Variants in KLHL29 observed in about 807,000 individuals in gnomAD.
KLHL29 encodes kelch like family member 29, also known as kelch-like protein 29.
A neutral mutation model predicts 80.4 loss-of-function variants in KLHL29; 21 were observed. The ratio of observed to expected loss-of-function variants is 0.26; its 90% confidence interval spans 0.19 to 0.38. The LOEUF (loss-of-function observed/expected upper bound fraction) is 0.38, where lower values mean the gene tolerates loss of function less well. Ranked by LOEUF, KLHL29 falls within the 10% of genes least tolerant of loss-of-function variation. KLHL29 has a pLI of 1.00. For synonymous variants in KLHL29, 511 were observed against 526.8 expected, an observed-to-expected ratio of 0.97 and a Z score of 0.41; for missense variants, 867 against 1,223.9, an observed-to-expected ratio of 0.71 and a Z score of 4.35.
intron 1 of KLHL29, among the ~76,000 whole-genome samples, chr2:23,388,989 C>CTTTT (rs10691490): frequency 2.8e-5 from 3 of 106,886 alleles, no homozygotes; most frequent in South Asian, 3.2e-4. Context: ...CTTTCTTCTT[C>CTTTT]TTTTTTTTTT....
intron 2 of KLHL29, among the ~76,000 whole-genome samples, chr2:23,517,834 G>C (rs932597085): frequency 3.3e-5 from 5 of 152,222 alleles, no homozygotes; most frequent in African/African-American, 1.2e-4. Flanking sequence ...CTTTAGTGCA[G>C]TGTCTTCTTG....
At chr2:23,413,560 C>A (rs867772112) in intron 1 of KLHL29, among the ~76,000 whole-genome samples, 23 of 152,172 alleles carry the variant, frequency 1.5e-4, no homozygotes, top group African/African-American at 4.8e-4. Context: ...CTTCCCTCTC[C>A]CAATGCCTCT....
chr2:23,474,257 T>C (rs889908561), intron 1 of KLHL29, among the ~76,000 whole-genome samples: 13 of 152,222 alleles, frequency 8.5e-5, no homozygotes, highest in Admixed American at 8.5e-4. Flanking sequence ...GAATCAATAT[T>C]TATTAAATGA....
chr2:23,689,116 C>G (rs902411270), intron 6 of KLHL29: 3 of 152,230 alleles, frequency 2.0e-5, no homozygotes, highest in Non-Finnish European at 4.4e-5. Context: ...TCTGGGGCCT[C>G]GCCTCCTCTT....
At chr2:23,523,006 G>C (rs1666154582) in intron 2 of KLHL29, among the ~76,000 whole-genome samples, 1 of 151,848 alleles carries the variant, frequency 6.6e-6, no homozygotes, top group Admixed American at 6.6e-5. Flanking sequence ...CTGAATGTTA[G>C]AATCTATGCG....
intron 5 of KLHL29, among the ~76,000 whole-genome samples, chr2:23,674,377 C>T (rs1670865716): frequency 6.6e-6 from 1 of 152,300 alleles, no homozygotes; most frequent in African/African-American, 2.4e-5. Flanking sequence ...GTCAGGGCCC[C>T]AGCCTCATTC....
chr2:23,669,305 A>C lies in KLHL29; in HGVS notation c.941-15094A>C, dbSNP rs1478971278. 6.6e-6 allele frequency: 1 copy of C among 152,212 alleles called. No individual in the cohort carries two copies. Among genetic ancestry groups the C allele is most frequent in the Non-Finnish European group, 1.5e-5 (1 of 68,036 alleles). The allele number at this position is 152,212 out of a possible 1,614,324, so 9.4% of individuals were successfully genotyped here. ...AACAGACTCAGCAGAGTGCTGAGCC[A>C]AGTGTGATGGGACCACAGAGTGGCA... is the stretch of plus-strand genomic sequence containing the variant. On this transcript the variant is annotated intron_variant, in intron 5 of 13. Coordinates refer to ENST00000486442, the MANE Select transcript of KLHL29 (RefSeq NM_052920.2). This position sits in a 1 kb window ranked among gnomAD's most constrained non-coding sequence, Gnocchi z 4.3.
At chr2:23,533,635 C>A (rs1431544302) in intron 2 of KLHL29, among the ~76,000 whole-genome samples, 1 of 152,114 alleles carries the variant, frequency 6.6e-6, no homozygotes, top group East Asian at 1.9e-4. Context: ...TGGGGTGCGG[C>A]GTTTGGGCTG....
rs1473772510 is a variant in KLHL29, at chr2:23,385,291, C to G, written c.-643C>G. 1 of 146,606 alleles carries G rather than the reference C, an allele frequency of 6.8e-6. No homozygotes were observed. Among genetic ancestry groups the G allele is most frequent in the East Asian group, 2.0e-4 (1 of 5,022 alleles). 9.1% of individuals were successfully genotyped at this position (146,606 alleles called of 1,614,324 possible). ...CGCCACCGCGGATCTCGCCGCAGCT[C>G]CAGCCCCGGCCCCGGCTCCGCAGCG... On this transcript the variant is annotated 5_prime_UTR_variant, in exon 1 of 14. Transcript: ENST00000486442.
At chr2:23,654,651 C>T (rs112458600) in intron 5 of KLHL29, among the ~76,000 whole-genome samples, 11 of 96,826 alleles carry the variant, frequency 1.1e-4, no homozygotes, top group African/African-American at 3.8e-4. Flanking sequence ...AGCCGGTGGG[C>T]AGGGCTGGGA....
intron 3 of KLHL29, among the ~76,000 whole-genome samples, chr2:23,632,905 C>T (rs1330877597): frequency 6.6e-6 from 1 of 152,228 alleles, no homozygotes; most frequent in Non-Finnish European, 1.5e-5. Context: ...GTTTGAGCCA[C>T]AGGTCACATG....
chr2:23,497,341 A>C (rs1665298258), intron 2 of KLHL29, among the ~76,000 whole-genome samples: 2 of 152,258 alleles, frequency 1.3e-5, no homozygotes. Context: ...CTAGAGCACC[A>C]CAGCAGGGAG....
At chr2:23,663,431 C>G (rs2149171256) in intron 5 of KLHL29, among the ~76,000 whole-genome samples, 1 of 152,372 alleles carries the variant, frequency 6.6e-6, no homozygotes, top group South Asian at 2.1e-4. Context: ...CGCGGCTCCG[C>G]CGTCACGTGT....
intron 1 of KLHL29, among the ~76,000 whole-genome samples, chr2:23,471,166 G>T (rs569742677): frequency 6.6e-6 from 1 of 152,136 alleles, no homozygotes; most frequent in Non-Finnish European, 1.5e-5. Flanking sequence ...ACTCTTTGTT[G>T]CCCAGTTTGC....
chr2:23,448,022 T>C (rs1663758664), intron 1 of KLHL29, among the ~76,000 whole-genome samples: 2 of 152,256 alleles, frequency 1.3e-5, no homozygotes, highest in Non-Finnish European at 2.9e-5. Context: ...GGATAGCTCG[T>C]GCATAGAAAT....
chr2:23,401,150 T>C (rs1049000095), intron 1 of KLHL29, among the ~76,000 whole-genome samples: 1 of 152,142 alleles, frequency 6.6e-6, no homozygotes, highest in Non-Finnish European at 1.5e-5. Context: ...ATAATGCAAG[T>C]TGAGAGTGTG....
chr2:23,582,251 GT>G (rs1668006630), intron 3 of KLHL29, among the ~76,000 whole-genome samples: 1 of 152,158 alleles, frequency 6.6e-6, no homozygotes, highest in African/African-American at 2.4e-5. Flanking sequence ...ATTTTAATTA[GT>G]TTCATTTTTT....
At chr2:23,468,357 G>T (rs1170317382) in intron 1 of KLHL29, among the ~76,000 whole-genome samples, 1 of 152,154 alleles carries the variant, frequency 6.6e-6, no homozygotes, top group Non-Finnish European at 1.5e-5. Flanking sequence ...GTGCTGTGCA[G>T]ACCAGGAGTG....
At chr2:23,569,869 T>C (rs1667675864) in intron 3 of KLHL29, among the ~76,000 whole-genome samples, 1 of 152,206 alleles carries the variant, frequency 6.6e-6, no homozygotes, top group Admixed American at 6.5e-5. Context: ...CTTCTTACTT[T>C]CATGGTACGG....
Sources: gnomAD v4.1 joint callset for allele counts (sites outside exome capture counted in the v4.1 genomes callset) on GRCh38, gnomAD v4.1.1 for gene constraint, Gnocchi (gnomAD v3.1) non-coding constraint, MANE v1.5 for transcripts, NCBI Gene and HGNC (gene_info 2026-07-23, HGNC 2026-07-21) for gene names.